CDH11: variants seen among roughly 807,000 people sequenced by gnomAD.
CDH11 encodes cadherin 11, also known as cadherin-11.
Under a neutral mutation model 67.8 loss-of-function variants are expected in CDH11, and 11 were observed. That is an observed-to-expected ratio of 0.16 (90% confidence interval 0.10 to 0.27). The LOEUF (loss-of-function observed/expected upper bound fraction) is 0.27, where lower values mean the gene tolerates loss of function less well. Among genes scored for constraint, CDH11 ranks in the 10% least tolerant of loss-of-function variants. The pLI, the probability that CDH11 is intolerant of heterozygous loss-of-function variation, is 1.00. For missense variants in CDH11, 847 were observed against 1,031.2 expected, an observed-to-expected ratio of 0.82 and a Z score of 2.45; for synonymous variants, 419 against 400.0, an observed-to-expected ratio of 1.05 and a Z score of -0.57.
intron 11 of CDH11, among the ~76,000 whole-genome samples, chr16:64,966,693 G>C (rs934431038): frequency 1.3e-5 from 1 of 76,680 alleles, no homozygotes; most frequent in Non-Finnish European, 3.5e-5. Flanking sequence ...ATAAGTTAAT[G>C]TTGATATCAA....
At chr16:65,111,843 G>A (rs1361127233) in intron 1 of CDH11, among the ~76,000 whole-genome samples, 2 of 151,970 alleles carry the variant, frequency 1.3e-5, no homozygotes, top group South Asian at 2.1e-4. Flanking sequence ...AGGCCAAGGC[G>A]GGTGGATCAC....
chr16:64,996,036 G>A (rs1239455772), intron 4 of CDH11, among the ~76,000 whole-genome samples: 1 of 152,162 alleles, frequency 6.6e-6, no homozygotes, highest in Non-Finnish European at 1.5e-5. Flanking sequence ...AACCCATAAT[G>A]AGAAACCATC....
intron 2 of CDH11, among the ~76,000 whole-genome samples, chr16:65,007,564 A>G (rs2073086862): frequency 1.3e-5 from 2 of 152,240 alleles, no homozygotes. Flanking sequence ...AGGCTGTATG[A>G]AACAACAGAA....
rs1269660048 is a variant in CDH11 at position 65,121,243 on chromosome 16, CG to C, written c.-298+636del. 2.0e-5 allele frequency among the ~76,000 whole-genome samples: 3 copies of C among 152,204 alleles called. No individual in the cohort carries two copies. The highest frequency in any genetic ancestry group is 7.2e-5 in the African/African-American group (3 of 41,460). On this transcript the variant is annotated intron_variant, in intron 1 of 12. Coordinates refer to ENST00000268603, the MANE Select transcript of CDH11 (RefSeq NM_001797.4). This position sits in a 1 kb window ranked among gnomAD's most constrained non-coding sequence, Gnocchi z 4.1. ...CTCGGGCTGGAGGGCTGTAGCGCACCGCAGCCTGCTGCCCCAGAACCACAGT... is the reference window on the plus strand; with the variant it reads ...CTCGGGCTGGAGGGCTGTAGCGCACCCAGCCTGCTGCCCCAGAACCACAGT...
intron 1 of CDH11, among the ~76,000 whole-genome samples, chr16:65,109,073 G>A (rs569340434): frequency 6.6e-6 from 1 of 152,216 alleles, no homozygotes; most frequent in Non-Finnish European, 1.5e-5. Flanking sequence ...CTTGAACGTG[G>A]GAGGCAGAGG....
chr16:64,946,391 G>C lies in CDH11; in HGVS notation c.*1212C>G. ...CATAGAATGTATACCTGGAACATTA[G>C]AGTTCTGATAGCTCCATTCCCTCAT... On this transcript the variant is annotated 3_prime_UTR_variant, in exon 13 of 13. Transcript: ENST00000268603. 2.9e-6 allele frequency: 3 copies of C among 1,036,932 alleles called. No individual in the cohort carries two copies. Among genetic ancestry groups the C allele is most frequent in the South Asian group, 9.2e-5 (2 of 21,716 alleles). The allele number at this position is 1,036,932 out of a possible 1,614,324, so 64.2% of individuals were successfully genotyped here.
At chr16:65,094,903 A>G (rs2074861104) in intron 1 of CDH11, 1 of 131,746 alleles carries the variant, frequency 7.6e-6, no homozygotes, top group Admixed American at 7.8e-5. Flanking sequence ...GAACTGTGAG[A>G]AAAAAAAACA....
chr16:64,974,416 C>T (rs1597037674), intron 8 of CDH11, among the ~76,000 whole-genome samples: 2 of 152,120 alleles, frequency 1.3e-5, no homozygotes, highest in Non-Finnish European at 2.9e-5. Flanking sequence ...CCATGAATAT[C>T]GGAAGGTTTA....
At chr16:65,085,012 C>A (rs1327335865) in intron 1 of CDH11, among the ~76,000 whole-genome samples, 1 of 152,160 alleles carries the variant, frequency 6.6e-6, no homozygotes, top group African/African-American at 2.4e-5. Flanking sequence ...CAGGTTCAAG[C>A]AATTCTCCTG....
intron 11 of CDH11, among the ~76,000 whole-genome samples, chr16:64,956,910 A>T (rs769930064): frequency 1.3e-5 from 2 of 152,216 alleles, no homozygotes; most frequent in Non-Finnish European, 2.9e-5. Flanking sequence ...GAACATTAAG[A>T]TGGAGAGAGA....
intron 1 of CDH11, among the ~76,000 whole-genome samples, chr16:65,116,140 G>A (rs1170513125): frequency 6.6e-6 from 1 of 152,188 alleles, no homozygotes; most frequent in Middle Eastern, 3.2e-3. Context: ...GAACTTTCCA[G>A]AATGAGTTTA....
At chr16:65,033,234 GAA>G (rs1316497392) in intron 2 of CDH11, among the ~76,000 whole-genome samples, 2 of 71,702 alleles carry the variant, frequency 2.8e-5, no homozygotes, top group African/African-American at 9.8e-5. Flanking sequence ...AGTAAACTAG[GAA>G]AACACACACA....
intron 8 of CDH11, among the ~76,000 whole-genome samples, chr16:64,980,527 G>A (rs187108201): frequency 6.6e-6 from 1 of 152,294 alleles, no homozygotes; most frequent in Admixed American, 6.5e-5. Flanking sequence ...GTCCAATGTG[G>A]TAACTTGGAA....
At chr16:64,961,086 G>A (rs1436750936) in intron 11 of CDH11, among the ~76,000 whole-genome samples, 1 of 152,006 alleles carries the variant, frequency 6.6e-6, no homozygotes, top group African/African-American at 2.4e-5. Context: ...ACGCTTCCTG[G>A]CACTCATTTT....
chr16:64,972,652 TGA>T (rs1297955085), intron 9 of CDH11, among the ~76,000 whole-genome samples: 1 of 152,212 alleles, frequency 6.6e-6, no homozygotes, highest in African/African-American at 2.4e-5. Context: ...GTGATGGTTA[TGA>T]GTTTCAAACT....
intron 1 of CDH11, among the ~76,000 whole-genome samples, chr16:65,087,708 A>G (rs541000514): frequency 9.8e-5 from 15 of 152,312 alleles, no homozygotes; most frequent in African/African-American, 2.2e-4. Flanking sequence ...AATTTTATCA[A>G]TGCTATTAAC....
chr16:65,008,407 C>T (rs943130978), intron 2 of CDH11, among the ~76,000 whole-genome samples: 1 of 152,058 alleles, frequency 6.6e-6, no homozygotes, highest in Non-Finnish European at 1.5e-5. Flanking sequence ...AATGGTTAAT[C>T]TTAGGTATGT....
At chr16:65,003,059 C>T (rs2072961079) in intron 3 of CDH11, among the ~76,000 whole-genome samples, 2 of 141,310 alleles carry the variant, frequency 1.4e-5, no homozygotes, top group East Asian at 2.0e-4. Flanking sequence ...GATTTCAGTT[C>T]TTATGTATCT....
intron 1 of CDH11, among the ~76,000 whole-genome samples, chr16:65,055,580 C>T (rs575262652): frequency 6.6e-6 from 1 of 152,036 alleles, no homozygotes; most frequent in Non-Finnish European, 1.5e-5. Flanking sequence ...AAATGTTGCC[C>T]CAGGATGAAC....
Sources: allele counts gnomAD v4.1 joint callset (sites outside exome capture counted in the v4.1 genomes callset), GRCh38; gene constraint gnomAD v4.1.1; non-coding constraint Gnocchi (gnomAD v3.1); transcripts MANE v1.5; gene names NCBI Gene and HGNC (gene_info 2026-07-23, HGNC 2026-07-21).